The following TRAPPC9 variants were observed in gnomAD, a reference collection of about 807,000 sequenced individuals.
The protein encoded by TRAPPC9 is IKK2 binding protein.
Under a neutral mutation model 124.0 loss-of-function variants are expected in TRAPPC9, and 83 were observed. The observed-to-expected ratio is 0.67, with a 90% CI of 0.56 to 0.80. TRAPPC9 has a LOEUF of 0.80. TRAPPC9 is among the 30% of genes least tolerant of loss of function. The pLI, the probability that TRAPPC9 is intolerant of heterozygous loss-of-function variation, is 0.00. For synonymous variants in TRAPPC9, 638 were observed against 617.5 expected, an observed-to-expected ratio of 1.03 and a Z score of -0.49; for missense variants, 1,302 against 1,508.3, an observed-to-expected ratio of 0.86 and a Z score of 2.27.
intron 7 of TRAPPC9, among the ~76,000 whole-genome samples, chr8:140,383,735 C>T (rs1030540043): frequency 1.4e-4 from 22 of 152,202 alleles, no homozygotes; most frequent in African/African-American, 4.6e-4. Context: ...TTGGAAAACA[C>T]TCTGCAGGAT....
chr8:140,156,686 A>G (rs1470708217), intron 17 of TRAPPC9, among the ~76,000 whole-genome samples: 2 of 152,270 alleles, frequency 1.3e-5, no homozygotes, highest in Non-Finnish European at 2.9e-5. Flanking sequence ...CCTCAGGCTC[A>G]GAGAGATGAA....
chr8:140,146,947 T>A (rs1166452942), intron 17 of TRAPPC9, among the ~76,000 whole-genome samples: 1 of 152,090 alleles, frequency 6.6e-6, no homozygotes, highest in Non-Finnish European at 1.5e-5. Context: ...TATGTGAAAG[T>A]ACCTGTTACC....
intron 17 of TRAPPC9, among the ~76,000 whole-genome samples, chr8:140,060,196 T>C (rs918780009): frequency 2.6e-5 from 4 of 152,234 alleles, no homozygotes; most frequent in East Asian, 3.8e-4. Context: ...GCCTTCACCC[T>C]GGGGCCAGGC....
chr8:139,772,033 G>A (rs902141167), intron 21 of TRAPPC9, among the ~76,000 whole-genome samples: 1 of 152,216 alleles, frequency 6.6e-6, no homozygotes, highest in Non-Finnish European at 1.5e-5. Context: ...GGCCTGGTGT[G>A]GAGGATGGAT....
At chr8:139,748,282 G>A (rs1350486247) in intron 21 of TRAPPC9, among the ~76,000 whole-genome samples, 3 of 102,180 alleles carry the variant, frequency 2.9e-5, no homozygotes, top group Non-Finnish European at 5.6e-5. Flanking sequence ...GGGTCAGAGT[G>A]GGTGTGAGGG....
At chr8:140,422,896 T>G (rs2070271929) in intron 5 of TRAPPC9, among the ~76,000 whole-genome samples, 2 of 152,136 alleles carry the variant, frequency 1.3e-5, no homozygotes, top group Admixed American at 1.3e-4. Context: ...ATGCACATCA[T>G]TAGCTACGAG....
chr8:140,128,000 T>C (rs2061129665), intron 17 of TRAPPC9, among the ~76,000 whole-genome samples: 1 of 152,248 alleles, frequency 6.6e-6, no homozygotes. Flanking sequence ...CCAACAGAGA[T>C]AGCATCTACT....
At chr8:140,318,289 A>G (rs1207924935) in intron 9 of TRAPPC9, among the ~76,000 whole-genome samples, 1 of 152,216 alleles carries the variant, frequency 6.6e-6, no homozygotes, top group Non-Finnish European at 1.5e-5. Context: ...TATAGGATAC[A>G]AAGTGTTATG....
chr8:140,044,288 AG>A (rs370254899), intron 17 of TRAPPC9, among the ~76,000 whole-genome samples: 8,086 of 144,426 alleles, frequency 0.056, 477 homozygotes, highest in African/African-American at 0.12. Context: ...AAAAAAAAAA[AG>A]AAAAATCACA....
chr8:140,049,190 C>T (rs1292987439), intron 17 of TRAPPC9, among the ~76,000 whole-genome samples: 1 of 152,196 alleles, frequency 6.6e-6, no homozygotes. Context: ...CCCCCACGTT[C>T]GCAGGACCTA....
In TRAPPC9 at chr8:139,733,173, T is replaced by C. The variant is rs866082979; in HGVS notation, c.3056-971A>G. On this transcript the variant is annotated intron_variant, in intron 21 of 22. Transcript: ENST00000438773. ...TCATTCTGGATTAGAGTGAGCCCTG[T>C]AGTGAGTGACAATGTCCTTATATGG... 5.9e-5 allele frequency among the ~76,000 whole-genome samples: 9 copies of C among 152,234 alleles called. No individual in the cohort carries two copies. The Middle Eastern group carries it at 0.017, about 288-fold the overall frequency.
Position 140,311,315 on chromosome 8 carries a change from C to T in TRAPPC9, c.1555G>A (p.Glu519Lys). ...AGGCCGCCAGGGAGGGCGATGGGCT[C>T]CATGGTCCCAGGACACTTGGACGTA... is the stretch of plus-strand genomic sequence containing the variant. ...NYTSKCPGTM[E>K]PIALPGGLTL... The change falls in exon 10 of 23, where the codon GAG (glutamate) becomes AAG (lysine). Residue 519 changes from glutamate (E) to lysine (K), a missense_variant. Transcript: ENST00000438773. The T allele has an allele frequency of 6.2e-7, 1 of 1,613,956 alleles. No homozygotes were observed. The highest frequency in any genetic ancestry group is 8.5e-7 in the Non-Finnish European group (1 of 1,180,028).
At chr8:140,370,853 TG>T in intron 8 of TRAPPC9, 110 bp downstream of exon 8, 1 of 1,228,546 alleles carries the variant, frequency 8.1e-7, no homozygotes, top group Non-Finnish European at 1.2e-6. Context: ...CTAGTCATTC[TG>T]GAGCCACCAG....
chr8:140,064,849 T>C (rs1842825512), intron 17 of TRAPPC9, among the ~76,000 whole-genome samples: 1 of 151,870 alleles, frequency 6.6e-6, no homozygotes, highest in South Asian at 2.1e-4. Context: ...TACAAAAGAC[T>C]CCCCCCATTC....
At chr8:140,013,659 G>C (rs921294987) in intron 18 of TRAPPC9, among the ~76,000 whole-genome samples, 1 of 152,192 alleles carries the variant, frequency 6.6e-6, no homozygotes, top group Non-Finnish European at 1.5e-5. Flanking sequence ...CTGCAAAGCC[G>C]CCTGTGTTTA....
chr8:140,149,571 G>C (rs968814709), intron 17 of TRAPPC9, among the ~76,000 whole-genome samples: 1 of 151,072 alleles, frequency 6.6e-6, no homozygotes, highest in African/African-American at 2.4e-5. Flanking sequence ...GGTGAGCTGA[G>C]AGAGATCATG....
chr8:139,758,493 G>C (rs1034780164), intron 21 of TRAPPC9, among the ~76,000 whole-genome samples: 66 of 152,334 alleles, frequency 4.3e-4, no homozygotes, highest in African/African-American at 1.5e-3. Flanking sequence ...CAGAAATGAG[G>C]CCTGGTGCCC....
intron 19 of TRAPPC9, among the ~76,000 whole-genome samples, chr8:139,954,289 A>T (rs988463857): frequency 6.6e-6 from 1 of 152,176 alleles, no homozygotes; most frequent in Non-Finnish European, 1.5e-5. Flanking sequence ...TTAGTATGTC[A>T]ATTTTACCTC....
intron 17 of TRAPPC9, among the ~76,000 whole-genome samples, chr8:140,094,367 G>A (rs183669044): frequency 8.5e-5 from 13 of 152,302 alleles, no homozygotes; most frequent in South Asian, 4.1e-4. Flanking sequence ...GTGTGGCAGC[G>A]TAGGCAGGCG....
Sources: allele counts gnomAD v4.1 joint callset (sites outside exome capture counted in the v4.1 genomes callset), GRCh38; gene constraint gnomAD v4.1.1; transcripts MANE v1.5; gene names NCBI Gene and HGNC (gene_info 2026-07-23, HGNC 2026-07-21).